Variants in CA5B observed in about 807,000 individuals in gnomAD.
CA5B encodes carbonic anhydrase 5B, also known as carbonic anhydrase 5B, mitochondrial.
A neutral mutation model predicts 23.1 loss-of-function variants in CA5B; 15 were observed. The ratio of observed to expected loss-of-function variants is 0.65; its 90% CI spans 0.43 to 1.00. The LOEUF (loss-of-function observed/expected upper bound fraction) is 1.00, where lower values mean the gene tolerates loss of function less well. Ranked by LOEUF, CA5B falls within the 50% of genes least tolerant of loss-of-function variation. The pLI, the probability that CA5B is intolerant of heterozygous loss-of-function variation, is 0.00. For synonymous variants in CA5B, 84 were observed against 98.5 expected, an observed-to-expected ratio of 0.85 and a Z score of 0.87; for missense variants, 236 against 252.2, an observed-to-expected ratio of 0.94 and a Z score of 0.43.
At chrX:15,754,091 T>C (rs1931442487) in intron 2 of CA5B, among the ~76,000 whole-genome samples, 1 of 111,749 alleles carries the variant, frequency 8.9e-6, no homozygotes, top group Non-Finnish European at 1.9e-5. Context: ...GTGCCTAAAC[T>C]CTAAAGGGAG....
chrX:15,749,670 T>C (rs1391485089), intron 1 of CA5B, among the ~76,000 whole-genome samples: 1 of 110,574 alleles, frequency 9.0e-6, no homozygotes, highest in African/African-American at 3.3e-5. Context: ...GAAACTGTAC[T>C]GTAAACAGTT....
intron 7 of CA5B, among the ~76,000 whole-genome samples, chrX:15,779,481 C>G (rs1299851912): frequency 8.9e-6 from 1 of 112,031 alleles, no homozygotes; most frequent in Non-Finnish European, 1.9e-5. Flanking sequence ...TTAACCATCA[C>G]AGGAAGAAAA....
In CA5B at chrX:15,783,304, A is replaced by G. The variant is rs755743591; in HGVS notation, c.*640A>G. On this transcript the variant is annotated 3_prime_UTR_variant, in exon 8 of 8. Coordinates refer to ENST00000318636, the MANE Select transcript of CA5B (RefSeq NM_007220.4). ...CTTTCATAAGGGCTTATCAGTCAGTATATTTGCCCCAGTGTTTAGTTGTTA... is the reference window on the plus strand; with the variant it reads ...CTTTCATAAGGGCTTATCAGTCAGTGTATTTGCCCCAGTGTTTAGTTGTTA... 8.9e-6 allele frequency: 1 copy of G among 111,837 alleles called. No individual in the cohort carries two copies. The highest frequency in any genetic ancestry group is 1.9e-5 in the Non-Finnish European group (1 of 53,239). The allele number at this position is 111,837 out of a possible 1,213,427, so 9.2% of individuals were successfully genotyped here.
intron 2 of CA5B, among the ~76,000 whole-genome samples, chrX:15,764,204 A>G (rs1472031845): frequency 9.1e-6 from 1 of 110,302 alleles, no homozygotes; most frequent in Non-Finnish European, 1.9e-5. Context: ...TTTAGTTTCC[A>G]TTAGCCCTGA....
intron 3 of CA5B, 54 bp from the exon 4 acceptor site, chrX:15,772,442 A>G (rs1931837950): frequency 1.2e-6 from 1 of 831,940 alleles, no homozygotes; most frequent in Admixed American, 2.4e-5. Flanking sequence ...TTTCACCCAC[A>G]TTCCTCCACT....
In CA5B at chrX:15,783,658, G is replaced by T. The variant is rs1057500876; in HGVS notation, c.*994G>T. 1 of 107,740 alleles carries T rather than the reference G, an allele frequency of 9.3e-6. No individual in the cohort carries two copies. The highest frequency in any genetic ancestry group is 1.9e-5 in the Non-Finnish European group (1 of 52,117). The allele number at this position is 107,740 out of a possible 1,213,427, so 8.9% of individuals were successfully genotyped here. Reference sequence around the variant, plus strand: ...AATAAAAAATTAGCCAGGCATGGTGGTGAGCACCTGTAATGCCAGCTACTC... The same window carrying T: ...AATAAAAAATTAGCCAGGCATGGTGTTGAGCACCTGTAATGCCAGCTACTC... On this transcript the variant is annotated 3_prime_UTR_variant, in exon 8 of 8. Coordinates refer to ENST00000318636, the MANE Select transcript of CA5B (RefSeq NM_007220.4).
chrX:15,775,872 C>T (rs1296187720), intron 6 of CA5B: 43 of 746,369 alleles, frequency 5.8e-5, no homozygotes, highest in East Asian at 1.5e-4. Context: ...TCTGGAAGCC[C>T]GTATATTATC....
rs1326230639 is a variant in CA5B, at chrX:15,786,265, C to T, written c.*3601C>T. 9.3e-6 allele frequency: 1 copy of T among 107,462 alleles called. No individual in the cohort carries two copies. Among genetic ancestry groups the T allele is most frequent in the East Asian group, 2.8e-4 (1 of 3,578 alleles). 8.9% of individuals were successfully genotyped at this position (107,462 alleles called of 1,213,427 possible). On this transcript the variant is annotated 3_prime_UTR_variant, in exon 8 of 8. Transcript: ENST00000318636. ...GTACAGAATGCCTGACTTGCCCTTACATCTTATACCTGGTGTTCTGGCATG... is the reference window on the plus strand; with the variant it reads ...GTACAGAATGCCTGACTTGCCCTTATATCTTATACCTGGTGTTCTGGCATG...
chrX:15,752,831 T>G (rs184237111), intron 2 of CA5B, among the ~76,000 whole-genome samples: 160 of 111,710 alleles, frequency 1.4e-3, no homozygotes, highest in African/African-American at 5.0e-3. Flanking sequence ...TCTCATCTAT[T>G]GTCTCTAAGG....
chrX:15,773,233 T>A lies in CA5B; in HGVS notation c.459+619T>A, dbSNP rs186539833. ...TATGTAAAAAAAGCCCATTTAAAAA[T>A]TTATTTTATATTTTTTATATTTGTT... On this transcript the variant is annotated intron_variant, in intron 4 of 7. Coordinates refer to ENST00000318636, the MANE Select transcript of CA5B (RefSeq NM_007220.4). Among the ~76,000 whole-genome samples the A allele has an allele frequency of 4.4e-3, 491 of 110,703 alleles. 5 individuals carry two copies. The highest frequency in any genetic ancestry group is 0.016 in the African/African-American group (480 of 30,456).
intron 2 of CA5B, among the ~76,000 whole-genome samples, chrX:15,758,334 G>A (rs1180868333): frequency 1.8e-5 from 2 of 110,909 alleles, no homozygotes; most frequent in East Asian, 2.8e-4. Flanking sequence ...GCATCCTCAC[G>A]TGGTGGAAGG....
chrX:15,775,470 C>T (rs1236624983), intron 6 of CA5B, 162 bp downstream of exon 6: 1 of 991,611 alleles, frequency 1.0e-6, no homozygotes, highest in Non-Finnish European at 1.3e-6. Flanking sequence ...CAGAAGTCAT[C>T]ATTCTGTGGG....
rs921625828 is a variant in CA5B, at chrX:15,764,945, A to T, written c.340+170A>T. On this transcript the variant is annotated intron_variant, in intron 3 of 7. Transcript: ENST00000318636. The stretch of plus-strand genomic sequence containing the variant: ...TGAAAAAAAATTCCTTCTAGTTTTT[A>T]TGCATATTTTCTTCAACTAGTATAG... 10 of 777,594 alleles carry T rather than the reference A, an allele frequency of 1.3e-5. No homozygotes were observed. The African/African-American group carries it at 2.1e-4, about 16-fold the overall frequency. 64.1% of individuals were successfully genotyped at this position (777,594 alleles called of 1,213,427 possible).
At position 15,788,403 on chromosome X, in the gene CA5B, A is replaced by G. The variant is rs766755191; in HGVS notation, c.*5739A>G. The G allele has an allele frequency of 8.9e-6, 1 of 112,058 alleles. No individual in the cohort carries two copies. Among genetic ancestry groups the G allele is most frequent in the South Asian group, 3.7e-4 (1 of 2,689 alleles). The allele number at this position is 112,058 out of a possible 1,213,427, so 9.2% of individuals were successfully genotyped here. Reference sequence around the variant, plus strand: ...CAGTTTTCACAATAAAAGGGTTATGAGATGGGAACTATTATTACTATCTTG... The same window carrying G: ...CAGTTTTCACAATAAAAGGGTTATGGGATGGGAACTATTATTACTATCTTG... On this transcript the variant is annotated 3_prime_UTR_variant, in exon 8 of 8. Transcript: ENST00000318636.
intron 1 of CA5B, among the ~76,000 whole-genome samples, chrX:15,743,056 C>T (rs1178477334): frequency 8.9e-6 from 1 of 112,479 alleles, no homozygotes; most frequent in African/African-American, 3.2e-5. Flanking sequence ...CATCCATTAC[C>T]TGTGAACCTC....
In CA5B at chrX:15,782,775, G is replaced by T; in HGVS notation, c.*111G>T. Reference sequence around the variant, plus strand: ...TGCATTTGATAATATTTACAGATGTGCATTTCTTAGCATGAGAGTGCTTCA... The same window carrying T: ...TGCATTTGATAATATTTACAGATGTTCATTTCTTAGCATGAGAGTGCTTCA... On this transcript the variant is annotated 3_prime_UTR_variant, in exon 8 of 8. Transcript: ENST00000318636. 1 of 557,056 alleles carries T rather than the reference G, an allele frequency of 1.8e-6. No individual in the cohort carries two copies. The highest frequency in any genetic ancestry group is 2.8e-6 in the Non-Finnish European group (1 of 360,344). The allele number at this position is 557,056 out of a possible 1,213,427, so 45.9% of individuals were successfully genotyped here.
intron 2 of CA5B, among the ~76,000 whole-genome samples, chrX:15,755,021 G>A (rs1407457841): frequency 2.7e-5 from 3 of 112,309 alleles, no homozygotes; most frequent in Non-Finnish European, 5.6e-5. Flanking sequence ...TATCATAACT[G>A]TACTGTGTTT....
chrX:15,753,005 C>T lies in CA5B; in HGVS notation c.142+2840C>T, dbSNP rs1388984280. On this transcript the variant is annotated intron_variant, in intron 2 of 7. Transcript: ENST00000318636. ...CGTAGAAGCCCCCCCAACCCCCACC[C>T]CAGCTTTGAGCTGTCCCGCCTTTCT... Among the ~76,000 whole-genome samples the T allele has an allele frequency of 1.3e-4, 15 of 111,394 alleles. No individual in the cohort carries two copies. In the Admixed American group the frequency reaches 1.4e-3, roughly 11 times the overall value.
At chrX:15,764,962 C>G in intron 3 of CA5B, 187 bp downstream of exon 3, 1 of 592,893 alleles carries the variant, frequency 1.7e-6, no homozygotes, top group Non-Finnish European at 2.6e-6. Flanking sequence ...TTTTCTTCAA[C>G]TAGTATAGGT....
Sources: allele counts gnomAD v4.1 joint callset (sites outside exome capture counted in the v4.1 genomes callset), GRCh38; gene constraint gnomAD v4.1.1; transcripts MANE v1.5; gene names NCBI Gene and HGNC (gene_info 2026-07-23, HGNC 2026-07-21).